MIS18BP1: variants seen among roughly 807,000 people sequenced by gnomAD.
MIS18BP1 encodes the protein mis18-binding protein 1.
In MIS18BP1, 72 loss-of-function variants were observed where a neutral mutation model predicts 116.1. That is an observed-to-expected ratio of 0.62 (90% CI 0.51 to 0.75). MIS18BP1 has a LOEUF of 0.75. Among genes scored for constraint, MIS18BP1 ranks in the 30% least tolerant of loss-of-function variants. The pLI is 0.00. For synonymous variants in MIS18BP1, 386 were observed against 427.0 expected, an observed-to-expected ratio of 0.90 and a Z score of 1.18; for missense variants, 1,363 against 1,303.2, an observed-to-expected ratio of 1.05 and a Z score of -0.71.
chr14:45,223,880 G>A, intron 11 of MIS18BP1, 38 bp downstream of exon 11: 1 of 1,425,506 alleles, frequency 7.0e-7, no homozygotes, highest in African/African-American at 1.4e-5. Context: ...TCTTGTGGCT[G>A]CTCTGTAGAT....
At chr14:45,225,675 T>G (rs1007450356) in intron 10 of MIS18BP1, among the ~76,000 whole-genome samples, 1 of 152,128 alleles carries the variant, frequency 6.6e-6, no homozygotes, top group African/African-American at 2.4e-5. Context: ...AACCTGAGAA[T>G]CTTATATCTT....
chr14:45,216,334 G>C (rs911764842), intron 13 of MIS18BP1, among the ~76,000 whole-genome samples: 1 of 152,132 alleles, frequency 6.6e-6, no homozygotes, highest in Non-Finnish European at 1.5e-5. Context: ...CATTGCTTCT[G>C]TTAGCAGTGG....
At chr14:45,218,162 C>A in intron 12 of MIS18BP1, 120 bp downstream of exon 12, 1 of 1,126,026 alleles carries the variant, frequency 8.9e-7, no homozygotes, top group Non-Finnish European at 1.2e-6. Flanking sequence ...TTCTCTCTAG[C>A]TTTAAAATTT....
rs896327719 is a variant in MIS18BP1 at position 45,246,407 on chromosome 14, G to T, written c.544+336C>A. On this transcript the variant is annotated intron_variant, in intron 2 of 16. Coordinates refer to ENST00000310806, the MANE Select transcript of MIS18BP1 (RefSeq NM_018353.5). ...TCCTTCCCCATTCCTCAAGATACATGTATCTGTCATCTCATTCAATTTTGT... is the reference window on the plus strand; with the variant it reads ...TCCTTCCCCATTCCTCAAGATACATTTATCTGTCATCTCATTCAATTTTGT... Among the ~76,000 whole-genome samples, 3 of 152,082 alleles carry T rather than the reference G, an allele frequency of 2.0e-5. 1 individual carries two copies. Among genetic ancestry groups the T allele is most frequent in the Non-Finnish European group, 4.4e-5 (3 of 68,020 alleles).
chr14:45,230,800 T>C (rs964971767), intron 8 of MIS18BP1, among the ~76,000 whole-genome samples: 7 of 152,046 alleles, frequency 4.6e-5, no homozygotes, highest in African/African-American at 1.7e-4. Context: ...TTTTGACTTT[T>C]AGTAGAGACA....
Position 45,235,914 on chromosome 14 carries a change from A to T in MIS18BP1, c.1248T>A (p.Asn416Lys). The T allele has an allele frequency of 1.9e-6, 3 of 1,610,878 alleles. No individual in the cohort carries two copies. The highest frequency in any genetic ancestry group is 2.5e-6 in the Non-Finnish European group (3 of 1,178,362). The change falls in exon 6 of 17, where the codon AAT becomes AAA. Residue 416 changes from asparagine to lysine, a missense_variant. By Grantham distance (94) the Asn-to-Lys change is moderately conservative. Coordinates refer to ENST00000310806, the MANE Select transcript of MIS18BP1 (RefSeq NM_018353.5). ...IDVTNIYWHSNVIIERIEHNK... is the reference protein window; with the variant it reads ...IDVTNIYWHSKVIIERIEHNK... ...TGTGCTCAATCCGCTCTATAATTAC[A>T]TTACTGTGCCAATATATGTTAGTGA...
At chr14:45,223,091 CAAAACAAAAA>C (rs910103281) in intron 11 of MIS18BP1, among the ~76,000 whole-genome samples, 7 of 151,906 alleles carry the variant, frequency 4.6e-5, no homozygotes, top group Admixed American at 2.6e-4. Context: ...CAAAACAAAA[CAAAACAAAAA>C]CAAACCAAAC....
intron 4 of MIS18BP1, 39 bp downstream of exon 4, chr14:45,241,995 A>G (rs935247288): frequency 7.8e-6 from 12 of 1,543,190 alleles, no homozygotes; most frequent in South Asian, 2.6e-5. Context: ...AGAACGGGGT[A>G]AAAATAGAAA....
In MIS18BP1 at chr14:45,204,124, G is replaced by A. The variant is rs1336114153; in HGVS notation, c.3384C>T (p.Asn1128=). The change falls in exon 17 of 17, where the codon AAC becomes AAT. Residue 1128 remains asparagine, a synonymous_variant. Transcript: ENST00000310806. The part of the protein sequence containing the change: ...DEEEKDYYFS[N]SDSA The stretch of plus-strand genomic sequence containing the variant: ...TCTCATTTTACTATGCAGAATCAGA[G>A]TTCGAAAAATAATAATCTTTCTCTT... 6.2e-7 allele frequency: 1 copy of A among 1,609,514 alleles called. No individual in the cohort carries two copies. The highest frequency in any genetic ancestry group is 1.1e-5 in the South Asian group (1 of 89,942).
chr14:45,237,994 C>T (rs1051643892), intron 4 of MIS18BP1, among the ~76,000 whole-genome samples: 2 of 152,100 alleles, frequency 1.3e-5, no homozygotes, highest in African/African-American at 4.8e-5. Flanking sequence ...CAAATCTCAA[C>T]TGGTGGGGAC....
In MIS18BP1 at chr14:45,237,783, A is replaced by G. The variant is rs201889438; in HGVS notation, c.1144-62T>C. On this transcript the variant is annotated intron_variant, in intron 4 of 16. Transcript: ENST00000310806. ...TTACTTGCAGCACAAGCATTACAAA[A>G]TTAACTTACATTAAAAGAAAAAACT... 43 of 1,515,994 alleles carry G rather than the reference A, an allele frequency of 2.8e-5. No homozygotes were observed. The East Asian group carries it at 3.4e-4, about 12-fold the overall frequency. The allele number at this position is 1,515,994 out of a possible 1,614,324, so 93.9% of individuals were successfully genotyped here.
rs568729150 is a variant in MIS18BP1 at position 45,231,735 on chromosome 14, A to G, written c.1437-437T>C. On this transcript the variant is annotated intron_variant, in intron 7 of 16. Coordinates refer to ENST00000310806, the MANE Select transcript of MIS18BP1 (RefSeq NM_018353.5). Reference sequence around the variant, plus strand: ...ATATGCCTGCAAGAATATTATCTTTACAGAATATGCCCTTTACAGAAAAAA... The same window carrying G: ...ATATGCCTGCAAGAATATTATCTTTGCAGAATATGCCCTTTACAGAAAAAA... 1.6e-4 allele frequency among the ~76,000 whole-genome samples: 24 copies of G among 152,326 alleles called. 1 individual carries two copies. Among genetic ancestry groups the G allele is most frequent in the African/African-American group, 5.5e-4 (23 of 41,568 alleles).
chr14:45,209,115 C>G (rs1010156481), intron 14 of MIS18BP1, among the ~76,000 whole-genome samples: 2 of 151,972 alleles, frequency 1.3e-5, no homozygotes, highest in African/African-American at 4.8e-5. Context: ...TAAGGATCAC[C>G]AATGTTTTGG....
intron 14 of MIS18BP1, 144 bp downstream of exon 14, chr14:45,210,236 C>A (rs1328982872): frequency 4.9e-6 from 4 of 814,810 alleles, no homozygotes; most frequent in Admixed American, 6.4e-5. Context: ...ACTTGTCCAT[C>A]CTTAACTTCT....
chr14:45,240,176 C>T (rs958800380), intron 4 of MIS18BP1, among the ~76,000 whole-genome samples: 7 of 151,394 alleles, frequency 4.6e-5, no homozygotes, highest in Admixed American at 3.9e-4. Flanking sequence ...CTAGAGAGTG[C>T]GTGTAGGTAG....
At position 45,231,254 on chromosome 14, in the gene MIS18BP1, G is replaced by A. The variant is rs763314692; in HGVS notation, c.1481C>T (p.Thr494Ile). ...CCTTATGTCACGGACAGATCTTCCA[G>A]TTTTCTGTTTTTGTTTGGTCTTTTC... ...NREKTKQKQK[T>I]GRSVRDIRKS... Residue 494 changes from threonine (T) to isoleucine (I), a missense_variant, in exon 8 of 17, where the codon ACT (threonine) becomes ATT (isoleucine). By Grantham distance (89) the Thr-to-Ile change is moderately conservative. Transcript: ENST00000310806. 2 of 1,612,038 alleles carry A rather than the reference G, an allele frequency of 1.2e-6. No homozygotes were observed. The highest frequency in any genetic ancestry group is 8.5e-7 in the Non-Finnish European group (1 of 1,178,812).
intron 13 of MIS18BP1, among the ~76,000 whole-genome samples, chr14:45,210,816 C>T (rs557011841): frequency 1.2e-4 from 18 of 152,256 alleles, no homozygotes; most frequent in African/African-American, 2.6e-4. Flanking sequence ...TTGGTGTTAT[C>T]GTAAACACAT....
rs1294922724 is a variant in MIS18BP1 at position 45,241,937 on chromosome 14, T to TGA, written c.1143+96_1143+97insTC. ...TAATGAAGCATACAGGTTCAAATCC[T>TGA]AGCTAGAAAAAAAATAATGAGAGAA... On this transcript the variant is annotated intron_variant, in intron 4 of 16. Transcript: ENST00000310806. 56 of 1,335,048 alleles carry TGA rather than the reference T, an allele frequency of 4.2e-5. No homozygotes were observed. In the East Asian group the frequency reaches 1.2e-3, roughly 29 times the overall value. 82.7% of individuals were successfully genotyped at this position (1,335,048 alleles called of 1,614,324 possible).
intron 9 of MIS18BP1, 101 bp downstream of exon 9, chr14:45,227,562 A>AC: frequency 9.4e-7 from 1 of 1,059,858 alleles, no homozygotes. Context: ...AAAAAAAAAA[A>AC]AAACAGAACT....
Sources: gnomAD v4.1 joint callset for allele counts (sites outside exome capture counted in the v4.1 genomes callset) on GRCh38, gnomAD v4.1.1 for gene constraint, MANE v1.5 for transcripts, NCBI Gene and HGNC (gene_info 2026-07-23, HGNC 2026-07-21) for gene names.